Variants in NKAIN2 observed in about 807,000 individuals in gnomAD.
The protein encoded by NKAIN2 is sodium/potassium-transporting ATPase subunit beta-1-interacting protein 2.
A neutral mutation model predicts 32.6 loss-of-function variants in NKAIN2; 14 were observed. The observed-to-expected ratio is 0.43, with a 90% CI of 0.28 to 0.67. The LOEUF (loss-of-function observed/expected upper bound fraction) is 0.67. Among genes scored for constraint, NKAIN2 ranks in the 30% least tolerant of loss-of-function variants. The probability of loss-of-function intolerance (pLI) is 0.17; values close to 1 mark genes in which losing one functional copy is unlikely to be tolerated. For missense variants in NKAIN2, 198 were observed against 258.3 expected (o/e 0.77, Z 1.60); for synonymous variants, 80 against 87.2 (o/e 0.92, Z 0.46).
At chr6:124,204,669 C>T (rs1173795179) in intron 1 of NKAIN2, among the ~76,000 whole-genome samples, 1 of 151,592 alleles carries the variant, frequency 6.6e-6, no homozygotes, top group African/African-American at 2.4e-5. Context: ...TAATATAAGA[C>T]CAGGCGTCTA....
At chr6:124,164,746 A>G (rs2758825) in intron 1 of NKAIN2, among the ~76,000 whole-genome samples, 116,365 of 151,570 alleles carry the variant, frequency 0.77, 46,651 homozygotes, top group Non-Finnish European at 0.88. Context: ...ATTACAAAAA[A>G]TATTCATGGA....
chr6:124,698,591 C>A (rs150656976), intron 4 of NKAIN2, among the ~76,000 whole-genome samples: 2 of 152,186 alleles, frequency 1.3e-5, no homozygotes, highest in African/African-American at 2.4e-5. Context: ...AACCGACTTA[C>A]AATCTTGCAG....
At chr6:124,461,988 G>A (rs1331079284) in intron 3 of NKAIN2, among the ~76,000 whole-genome samples, 1 of 151,580 alleles carries the variant, frequency 6.6e-6, no homozygotes, top group East Asian at 1.9e-4. Flanking sequence ...GTAATTAAAA[G>A]TTGATGATAT....
At chr6:124,550,882 G>A (rs1000335838) in intron 3 of NKAIN2, among the ~76,000 whole-genome samples, 2 of 152,192 alleles carry the variant, frequency 1.3e-5, no homozygotes, top group African/African-American at 2.4e-5. Context: ...TTGTTAATGA[G>A]TGTTAGTCAA....
At chr6:123,853,578 A>C (rs1046063870) in intron 1 of NKAIN2, among the ~76,000 whole-genome samples, 7 of 152,266 alleles carry the variant, frequency 4.6e-5, no homozygotes, top group African/African-American at 1.7e-4. Flanking sequence ...AAACATAAGA[A>C]AAAAAGAAAT....
chr6:124,646,225 GAC>G (rs919073909), intron 3 of NKAIN2, among the ~76,000 whole-genome samples: 1 of 151,990 alleles, frequency 6.6e-6, no homozygotes, highest in African/African-American at 2.4e-5. Context: ...TTATAGCCAA[GAC>G]ACAATTAAAA....
rs1229808141 is a variant in NKAIN2 at position 124,684,023 on chromosome 6, G to A, written c.474+25637G>A. Among the ~76,000 whole-genome samples, 3 of 152,112 alleles carry A rather than the reference G, an allele frequency of 2.0e-5. No homozygotes were observed. In the East Asian group the frequency reaches 5.8e-4, roughly 29 times the overall value. ...ACATAAACCAGTAAATTAGGGGTGAGCATTTACATCATAAAATTAATTCTT... is the reference window on the plus strand; with the variant it reads ...ACATAAACCAGTAAATTAGGGGTGAACATTTACATCATAAAATTAATTCTT... On this transcript the variant is annotated intron_variant, in intron 4 of 6. Transcript: ENST00000368417.
At chr6:124,394,519 C>G (rs1479199351) in intron 3 of NKAIN2, among the ~76,000 whole-genome samples, 5 of 139,790 alleles carry the variant, frequency 3.6e-5, no homozygotes, top group African/African-American at 1.3e-4. Context: ...TAGATAGATA[C>G]AGACAGACAG....
chr6:124,272,945 A>G (rs1379836120), intron 1 of NKAIN2, among the ~76,000 whole-genome samples: 1 of 152,210 alleles, frequency 6.6e-6, no homozygotes, highest in Non-Finnish European at 1.5e-5. Context: ...CGCATTTGGA[A>G]TGGAAACATT....
chr6:123,835,685 G>T (rs1380326137), intron 1 of NKAIN2, among the ~76,000 whole-genome samples: 1 of 152,146 alleles, frequency 6.6e-6, no homozygotes, highest in Non-Finnish European at 1.5e-5. Context: ...GTATTTAATG[G>T]AATGTATGCA....
intron 3 of NKAIN2, among the ~76,000 whole-genome samples, chr6:124,441,650 A>T (rs1775692706): frequency 6.6e-6 from 1 of 152,050 alleles, no homozygotes; most frequent in South Asian, 2.1e-4. Context: ...ACACTTTCAG[A>T]TGATTCTATT....
At chr6:123,844,707 G>A (rs72966698) in intron 1 of NKAIN2, among the ~76,000 whole-genome samples, 5,605 of 152,286 alleles carry the variant, frequency 0.037, 164 homozygotes, top group Non-Finnish European at 0.058. Context: ...ATTGATGGCA[G>A]AGTTTATCTT....
intron 3 of NKAIN2, among the ~76,000 whole-genome samples, chr6:124,568,550 A>G (rs1214772640): frequency 6.6e-6 from 1 of 151,980 alleles, no homozygotes; most frequent in Non-Finnish European, 1.5e-5. Context: ...ATTAAGTTAG[A>G]CCTCTTTCTT....
At chr6:124,534,574 G>C (rs1235269207) in intron 3 of NKAIN2, among the ~76,000 whole-genome samples, 1 of 152,256 alleles carries the variant, frequency 6.6e-6, no homozygotes, top group Non-Finnish European at 1.5e-5. Context: ...GAGTATGACA[G>C]ATAGTCGGTT....
At chr6:124,582,998 C>A (rs1270002724) in intron 3 of NKAIN2, among the ~76,000 whole-genome samples, 1 of 151,972 alleles carries the variant, frequency 6.6e-6, no homozygotes, top group Non-Finnish European at 1.5e-5. Context: ...ATACAAAAGG[C>A]TCACAGCTAG....
intron 1 of NKAIN2, among the ~76,000 whole-genome samples, chr6:124,257,203 T>C (rs1793992306): frequency 6.6e-6 from 1 of 152,114 alleles, no homozygotes. Context: ...GTCTCTGTTG[T>C]GCTGAACTAA....
chr6:124,187,704 A>T (rs961779874), intron 1 of NKAIN2, among the ~76,000 whole-genome samples: 3 of 152,140 alleles, frequency 2.0e-5, no homozygotes, highest in Admixed American at 1.3e-4. Flanking sequence ...CTTTTTAACA[A>T]CATAGTACAT....
At chr6:124,437,968 C>G (rs1302081103) in intron 3 of NKAIN2, 2 of 413,416 alleles carry the variant, frequency 4.8e-6, no homozygotes, top group Non-Finnish European at 9.4e-6. Flanking sequence ...TAACTGGCAG[C>G]TCCTTATATC....
intron 2 of NKAIN2, among the ~76,000 whole-genome samples, chr6:124,329,544 T>C (rs919226557): frequency 3.3e-5 from 5 of 152,136 alleles, no homozygotes; most frequent in African/African-American, 4.8e-5. Context: ...TCCCCCAAGA[T>C]TGTCGCTGGG....
Sources: allele counts gnomAD v4.1 joint callset (sites outside exome capture counted in the v4.1 genomes callset), GRCh38; gene constraint gnomAD v4.1.1; transcripts MANE v1.5; gene names NCBI Gene and HGNC (gene_info 2026-07-23, HGNC 2026-07-21).